The following PKD1L3 variants were observed in gnomAD, a reference collection of about 807,000 sequenced individuals.
PKD1L3 encodes polycystin-1-like protein 3.
A neutral mutation model predicts 184.1 loss-of-function variants in PKD1L3; 239 were observed. The ratio of observed to expected loss-of-function variants is 1.30; its 90% confidence interval spans 1.17 to 1.45. The LOEUF (loss-of-function observed/expected upper bound fraction) is 1.45. Among genes scored for constraint, PKD1L3 ranks in the 40% most tolerant of loss-of-function variants. PKD1L3 has a pLI of 0.00. For synonymous variants in PKD1L3, 996 were observed against 778.8 expected (o/e 1.28, Z -4.64); for missense variants, 2,660 against 2,067.2 (o/e 1.29, Z -5.56).
Position 71,973,449 on chromosome 16 carries a change from C to T in PKD1L3, c.1828G>A (p.Ala610Thr), listed in dbSNP as rs201980066. 1,755 of 1,551,704 alleles carry T rather than the reference C, an allele frequency of 1.1e-3. 1 individual carries two copies. The highest frequency in any genetic ancestry group is 1.3e-3 in the Non-Finnish European group (1,443 of 1,147,032). The stretch of plus-strand genomic sequence containing the variant: ...CCCTCCTGCCTCTCACTCAGCACAG[C>T]TGTTATATAGTAGGTGCCAATCCCG... ...QHGIGTYYIT[A>T]VLSERQEGAQ... Residue 610 changes from alanine (A) to threonine (T), a missense_variant, in exon 12 of 30, where the codon GCT becomes ACT. Ala to Thr is a moderately conservative substitution (Grantham distance 58). Transcript: ENST00000620267.
intron 16 of PKD1L3, among the ~76,000 whole-genome samples, chr16:71,960,255 T>C (rs1421113030): frequency 6.6e-6 from 1 of 151,174 alleles, no homozygotes; most frequent in Non-Finnish European, 1.5e-5. Flanking sequence ...TTATAACAAA[T>C]AATGCAAAAT....
At chr16:71,954,619 A>C (rs901707851) in intron 16 of PKD1L3, among the ~76,000 whole-genome samples, 2 of 152,218 alleles carry the variant, frequency 1.3e-5, no homozygotes, top group Non-Finnish European at 2.9e-5. Context: ...TTACTCTTCA[A>C]AAGTTTACAT....
chr16:71,973,366 G>A lies in PKD1L3; in HGVS notation c.1911C>T (p.Tyr637=), dbSNP rs753369662. 1 of 1,551,704 alleles carries A rather than the reference G, an allele frequency of 6.4e-7. No individual in the cohort carries two copies. Among genetic ancestry groups the A allele is most frequent in the South Asian group, 1.2e-5 (1 of 84,056 alleles). ...SVITAVTQCY[Y]WEIHNQTWSS... is the part of the protein sequence containing the mutation. ...TCCATGTCTGGTTGTGGATCTCCCA[G>A]TAGTAACACTGAGTGACGGCGGTGA... The change falls in exon 12 of 30, where the codon TAC becomes TAT. Residue 637 remains tyrosine, a synonymous_variant. Transcript: ENST00000620267.
chr16:71,994,731 G>C (rs1318836806), intron 2 of PKD1L3, among the ~76,000 whole-genome samples: 1 of 152,106 alleles, frequency 6.6e-6, no homozygotes, highest in Non-Finnish European at 1.5e-5. Flanking sequence ...GGGTGTGGTG[G>C]CTCATGCCTG....
At chr16:71,999,439 T>C (rs571016054) in intron 1 of PKD1L3, among the ~76,000 whole-genome samples, 1 of 152,250 alleles carries the variant, frequency 6.6e-6, no homozygotes, top group African/African-American at 2.4e-5. Flanking sequence ...CATAATTCTT[T>C]TAGTGAAAGG....
chr16:71,980,374 T>C (rs942805515), intron 7 of PKD1L3, among the ~76,000 whole-genome samples: 2 of 152,176 alleles, frequency 1.3e-5, no homozygotes, highest in Admixed American at 1.3e-4. Context: ...CATCATATAA[T>C]TGCCCTAGAC....
chr16:71,953,869 T>G (rs760706654), intron 17 of PKD1L3, among the ~76,000 whole-genome samples: 1 of 152,124 alleles, frequency 6.6e-6, no homozygotes, highest in Non-Finnish European at 1.5e-5. Context: ...TCACACCACA[T>G]GATTCTGTTT....
In PKD1L3 at chr16:71,942,822, C is replaced by T; in HGVS notation, c.4062G>A (p.Leu1354=). The T allele has an allele frequency of 6.4e-7, 1 of 1,551,596 alleles. No homozygotes were observed. The highest frequency in any genetic ancestry group is 8.7e-7 in the Non-Finnish European group (1 of 1,146,966). The part of the protein sequence containing the change: ...YGDYRGKNAV[L]EPSHCKCGVQ... Reference sequence around the variant, plus strand: ...CCCCACATTTGCAATGACTGGGCTCCAGGACTGCATTCTTACCTCTGTAAT... The same window carrying T: ...CCCCACATTTGCAATGACTGGGCTCTAGGACTGCATTCTTACCTCTGTAAT... The change falls in exon 24 of 30, where the codon CTG becomes CTA. Residue 1354 remains leucine (L), a synonymous_variant. Transcript: ENST00000620267.
At chr16:71,984,433 G>A (rs1374040322) in intron 5 of PKD1L3, among the ~76,000 whole-genome samples, 1 of 152,226 alleles carries the variant, frequency 6.6e-6, no homozygotes, top group Non-Finnish European at 1.5e-5. Flanking sequence ...AAGATTTATA[G>A]CAGTAACTTT....
intron 3 of PKD1L3, among the ~76,000 whole-genome samples, chr16:71,991,635 G>T (rs2040594880): frequency 6.6e-6 from 1 of 152,122 alleles, no homozygotes; most frequent in South Asian, 2.1e-4. Context: ...ACAGAGGGTA[G>T]GAAGCAGCAA....
chr16:71,947,876 C>T (rs1323817478), intron 21 of PKD1L3, among the ~76,000 whole-genome samples: 3 of 151,350 alleles, frequency 2.0e-5, no homozygotes, highest in African/African-American at 7.3e-5. Flanking sequence ...TATTCAATAA[C>T]ATCTCTCAGT....
intron 22 of PKD1L3, among the ~76,000 whole-genome samples, chr16:71,946,255 C>T (rs2038599755): frequency 6.6e-6 from 1 of 152,194 alleles, no homozygotes; most frequent in East Asian, 1.9e-4. Flanking sequence ...AGCAGTAGAT[C>T]ACCACTTAAG....
At chr16:71,965,726 G>GTA (rs973502436) in intron 15 of PKD1L3, among the ~76,000 whole-genome samples, 1 of 151,940 alleles carries the variant, frequency 6.6e-6, no homozygotes, top group Non-Finnish European at 1.5e-5. Flanking sequence ...GCTAATTTTT[G>GTA]TATTTTTAGT....
At position 71,963,358 on chromosome 16, in the gene PKD1L3, T is replaced by A. The variant is rs1313440582; in HGVS notation, c.2466-7A>T. 1 of 1,544,320 alleles carries A rather than the reference T, an allele frequency of 6.5e-7. No homozygotes were observed. Among genetic ancestry groups the A allele is most frequent in the East Asian group, 2.5e-5 (1 of 40,708 alleles). ...AATTACCTGGCTGACATACCTATAG[T>A]AAAATGAAGATAACCACATTAGGGA... On this transcript the variant is annotated splice_polypyrimidine_tract_variant and splice_region_variant and intron_variant, in intron 15 of 29. Transcript: ENST00000620267.
At chr16:71,933,551 C>T (rs1440250000) in intron 27 of PKD1L3, 30 bp from the exon 28 acceptor site, 1 of 1,449,222 alleles carries the variant, frequency 6.9e-7, no homozygotes, top group Non-Finnish European at 9.5e-7. Context: ...CCAGTTAGTG[C>T]AAGCCGAGCG....
chr16:71,991,587 G>A (rs564220328), intron 3 of PKD1L3, among the ~76,000 whole-genome samples: 57 of 152,238 alleles, frequency 3.7e-4, no homozygotes, highest in African/African-American at 1.3e-3. Context: ...TGATAAATAC[G>A]AAACCATTCT....
At chr16:71,974,044 T>A (rs954785866) in intron 11 of PKD1L3, among the ~76,000 whole-genome samples, 5 of 151,616 alleles carry the variant, frequency 3.3e-5, no homozygotes, top group Non-Finnish European at 5.9e-5. Context: ...TATGTGAACA[T>A]GTGAACATTT....
rs2039960444 is a variant in PKD1L3, at chr16:71,977,217, A to G, written c.1759+19T>C. The stretch of plus-strand genomic sequence containing the variant: ...AAAAAGAAATCAAAGTAAGTTTCTG[A>G]CAGCTGATTGGGTTTTACCTTTTTG... On this transcript the variant is annotated intron_variant, in intron 11 of 29. Coordinates refer to ENST00000620267, the MANE Select transcript of PKD1L3 (RefSeq NM_181536.2). The G allele has an allele frequency of 2.0e-6, 3 of 1,463,510 alleles. No homozygotes were observed. The highest frequency in any genetic ancestry group is 1.2e-5 in the South Asian group (1 of 82,094). The allele number at this position is 1,463,510 out of a possible 1,614,324, so 90.7% of individuals were successfully genotyped here.
At chr16:71,964,981 G>A (rs1286323564) in intron 15 of PKD1L3, among the ~76,000 whole-genome samples, 1 of 151,830 alleles carries the variant, frequency 6.6e-6, no homozygotes, top group Non-Finnish European at 1.5e-5. Context: ...CAAGTAGCTG[G>A]GAGTACAGGC....
Sources: allele counts gnomAD v4.1 joint callset (sites outside exome capture counted in the v4.1 genomes callset), GRCh38; gene constraint gnomAD v4.1.1; transcripts MANE v1.5; gene names NCBI Gene and HGNC (gene_info 2026-07-23, HGNC 2026-07-21).